Variants in RAB27A observed in about 807,000 individuals in gnomAD.
RAB27A encodes the protein ras-related protein Rab-27A.
A neutral mutation model predicts 20.8 loss-of-function variants in RAB27A; 17 were observed. The ratio of observed to expected loss-of-function variants is 0.82; its 90% confidence interval spans 0.56 to 1.23. RAB27A has a LOEUF of 1.23. Ranked by LOEUF, RAB27A falls within the 50% of genes most tolerant of loss-of-function variation. The probability of loss-of-function intolerance (pLI) is 0.00; values close to 1 mark genes in which losing one functional copy is unlikely to be tolerated. For missense variants in RAB27A, 277 were observed against 266.7 expected (o/e 1.04, Z -0.27); for synonymous variants, 85 against 92.8 (o/e 0.92, Z 0.48).
chr15:55,315,842 T>G (rs529817118), intron 1 of RAB27A, among the ~76,000 whole-genome samples: 5 of 152,192 alleles, frequency 3.3e-5, no homozygotes. Flanking sequence ...GAAGACAGTG[T>G]GGCAATTCCT....
At chr15:55,252,726 A>G (rs940352612) in intron 2 of RAB27A, among the ~76,000 whole-genome samples, 1 of 152,220 alleles carries the variant, frequency 6.6e-6, no homozygotes, top group Admixed American at 6.5e-5. Flanking sequence ...CTATATACAA[A>G]AAAAAAGACC....
At chr15:55,261,709 C>CA (rs768256540) in intron 2 of RAB27A, among the ~76,000 whole-genome samples, 1,118 of 18,510 alleles carry the variant, frequency 0.06, 159 homozygotes, top group African/African-American at 0.085. Context: ...CACTGCATCT[C>CA]AAAAAAAAAA....
intron 2 of RAB27A, among the ~76,000 whole-genome samples, chr15:55,252,749 T>TG (rs1462878445): frequency 6.6e-6 from 1 of 152,232 alleles, no homozygotes; most frequent in Non-Finnish European, 1.5e-5. Flanking sequence ...TAGTAGTTGT[T>TG]GCTTTATCAA....
chr15:55,274,604 C>T (rs1026739648), intron 1 of RAB27A, among the ~76,000 whole-genome samples: 1 of 150,946 alleles, frequency 6.6e-6, no homozygotes, highest in Non-Finnish European at 1.5e-5. Context: ...ATGGCAAAAC[C>T]CCGTTTCTAT....
At chr15:55,240,587 A>G (rs1896440791) in intron 2 of RAB27A, among the ~76,000 whole-genome samples, 1 of 152,072 alleles carries the variant, frequency 6.6e-6, no homozygotes, top group Middle Eastern at 3.2e-3. Flanking sequence ...CATGGGCACA[A>G]TTCCAATCTA....
chr15:55,302,071 G>T (rs1202543257), intron 2 of RAB27A, among the ~76,000 whole-genome samples: 2 of 151,776 alleles, frequency 1.3e-5, no homozygotes, highest in Non-Finnish European at 2.9e-5. Context: ...CACCTATTCG[G>T]GAGGCTAAGG....
chr15:55,259,987 T>C (rs530477582), intron 2 of RAB27A: 9 of 152,340 alleles, frequency 5.9e-5, no homozygotes, highest in African/African-American at 1.7e-4. Flanking sequence ...GGGATTCTTA[T>C]TGGAATTGCA....
intron 1 of RAB27A, among the ~76,000 whole-genome samples, chr15:55,278,347 C>T (rs2141115245): frequency 6.6e-6 from 1 of 152,288 alleles, no homozygotes; most frequent in East Asian, 1.9e-4. Context: ...TCAGTAGCCG[C>T]TTCTAAACTT....
chr15:55,218,602 T>G (rs1471332825), intron 6 of RAB27A, among the ~76,000 whole-genome samples: 1 of 152,188 alleles, frequency 6.6e-6, no homozygotes. Flanking sequence ...TAATTCCTCT[T>G]TCATTCCAGA....
chr15:55,294,794 T>C (rs1342492579), upstream of RAB27A, among the ~76,000 whole-genome samples: 1 of 152,074 alleles, frequency 6.6e-6, no homozygotes, highest in Admixed American at 6.6e-5. Flanking sequence ...TTCTTAGATT[T>C]GACACCAAAA....
intron 1 of RAB27A, chr15:55,317,865 A>C (rs2055064019): frequency 2.5e-6 from 1 of 394,194 alleles, no homozygotes; most frequent in Admixed American, 4.4e-5. Context: ...AATCTCTTCA[A>C]ATCTGCATAC....
At chr15:55,256,445 C>T (rs991275799) in intron 2 of RAB27A, among the ~76,000 whole-genome samples, 2 of 152,040 alleles carry the variant, frequency 1.3e-5, no homozygotes, top group Non-Finnish European at 2.9e-5. Context: ...GCAATCTGAC[C>T]GTGACTCAAA....
chr15:55,303,111 C>T (rs865976485), intron 2 of RAB27A, among the ~76,000 whole-genome samples: 2,871 of 132,584 alleles, frequency 0.022, 35 homozygotes, highest in African/African-American at 0.085. Flanking sequence ...CCTGGCCAGC[C>T]GTGCCGTCCG....
In RAB27A at chr15:55,268,060, A is replaced by G. The variant is rs145895063; in HGVS notation, c.-23+2105T>C. Among the ~76,000 whole-genome samples the G allele has an allele frequency of 3.1e-3, 472 of 152,264 alleles. 4 individuals are homozygous for G. Among genetic ancestry groups the G allele is most frequent in the Non-Finnish European group, 5.0e-3 (337 of 68,016 alleles). On this transcript the variant is annotated intron_variant, in intron 2 of 6. Transcript: ENST00000336787. ...GTAAGAGACAGAGAGAGCAGCCAAG[A>G]TGGGGGTAAACTCCTTTGGAATGTA...
intron 2 of RAB27A, chr15:55,313,972 CAATA>C (rs58148391): frequency 0.16 from 22,220 of 139,392 alleles, 2,038 homozygotes; most frequent in African/African-American, 0.22. Flanking sequence ...GACTCCATCT[CAATA>C]AATAAATAAA....
At chr15:55,246,994 T>C (rs1448732177) in intron 2 of RAB27A, among the ~76,000 whole-genome samples, 1 of 152,172 alleles carries the variant, frequency 6.6e-6, no homozygotes, top group Non-Finnish European at 1.5e-5. Flanking sequence ...CTGATGAAGA[T>C]CAATGAATCA....
In RAB27A at chr15:55,212,874, G is replaced by A. The variant is rs1044970473; in HGVS notation, c.468-7169C>T. On this transcript the variant is annotated intron_variant, in intron 6 of 6. Transcript: ENST00000336787. ...TTTGTTTTGTTATCCAAAGACCTGT[G>A]GTACAGGTGTAATTTTTAAATAACT... is the stretch of plus-strand genomic sequence containing the variant. Among the ~76,000 whole-genome samples, 10 of 152,244 alleles carry A rather than the reference G, an allele frequency of 6.6e-5. No individual in the cohort carries two copies. The East Asian group carries it at 9.7e-4, about 15-fold the overall frequency.
Position 55,220,239 on chromosome 15 carries a change from TTTTTTGTTTGTTTGTTTG to T in RAB27A, c.467+3632_467+3649del, listed in dbSNP as rs556424296. On this transcript the variant is annotated intron_variant, in intron 6 of 6. Coordinates refer to ENST00000336787, the MANE Select transcript of RAB27A (RefSeq NM_183235.3). ...CAATTGTAAACCAATGATCTGGGGT[TTTTTTGTTTGTTTGTTTG>T]TTTTTGTTTGTTTGTTTGTTTTGTT... Among the ~76,000 whole-genome samples the T allele has an allele frequency of 5.8e-4, 87 of 150,418 alleles. No individual in the cohort carries two copies. In the East Asian group the frequency reaches 7.4e-3, roughly 13 times the overall value.
chr15:55,299,288 G>A (rs113012191), intron 2 of RAB27A, among the ~76,000 whole-genome samples: 17 of 152,228 alleles, frequency 1.1e-4, no homozygotes, highest in African/African-American at 3.6e-4. Context: ...CCCTCCATTT[G>A]GGGCCCCTGA....
Sources: allele counts gnomAD v4.1 joint callset (sites outside exome capture counted in the v4.1 genomes callset), GRCh38; gene constraint gnomAD v4.1.1; transcripts MANE v1.5; gene names NCBI Gene and HGNC (gene_info 2026-07-23, HGNC 2026-07-21).